The following VPS13A variants were observed in gnomAD, a reference collection of about 807,000 sequenced individuals.
VPS13A encodes vacuolar protein sorting 13 homolog A, also known as intermembrane lipid transfer protein VPS13A.
A neutral mutation model predicts 390.9 loss-of-function variants in VPS13A; 264 were observed. That is an observed-to-expected ratio of 0.68 (90% confidence interval 0.61 to 0.75). The LOEUF (loss-of-function observed/expected upper bound fraction) is 0.75. Among genes scored for constraint, VPS13A ranks in the 30% least tolerant of loss-of-function variants. VPS13A has a pLI of 0.00. For synonymous variants in VPS13A, 1,231 were observed against 1,227.1 expected, an observed-to-expected ratio of 1.00 and a Z score of -0.07; for missense variants, 3,409 against 3,733.9, an observed-to-expected ratio of 0.91 and a Z score of 2.27.
intron 69 of VPS13A, 30 bp from the exon 70 acceptor site, chr9:77,405,834 C>T (rs767703023): frequency 3.8e-5 from 61 of 1,610,682 alleles, no homozygotes; most frequent in Middle Eastern, 1.6e-4. Flanking sequence ...AATTTTAAAG[C>T]GAATTCTTTT....
chr9:77,321,214 G>A lies in VPS13A; in HGVS notation c.5461G>A (p.Glu1821Lys). ...GGCCATTGTTGAGTCAGATCCTGAA[G>A]AAGAAAACTACAAAGTGCCAGAATA... is the stretch of plus-strand genomic sequence containing the variant. Reference protein sequence around the residue: ...KMAIVESDPEEENYKVPEYKT... With the variant: ...KMAIVESDPEKENYKVPEYKT... Residue 1821 changes from glutamate to lysine, a missense_variant, in exon 43 of 72, where the codon GAA becomes AAA. By Grantham distance (56) the Glu-to-Lys change is moderately conservative. This residue lies in a region of VPS13A where 2,717 missense variants were observed against 2,917.4 expected (regional missense o/e 0.93). Transcript: ENST00000360280. The A allele has an allele frequency of 6.2e-7, 1 of 1,612,604 alleles. No individual in the cohort carries two copies. The highest frequency in any genetic ancestry group is 8.5e-7 in the Non-Finnish European group (1 of 1,179,156).
chr9:77,321,388 G>A (rs567343607), intron 43 of VPS13A, 61 bp downstream of exon 43: 2 of 1,580,412 alleles, frequency 1.3e-6, no homozygotes, highest in Non-Finnish European at 1.7e-6. Flanking sequence ...TCTGTCTGTT[G>A]AATAAGAAGT....
intron 68 of VPS13A, among the ~76,000 whole-genome samples, chr9:77,401,112 T>C: frequency 6.6e-6 from 1 of 152,196 alleles, no homozygotes; most frequent in East Asian, 1.9e-4. Context: ...TTTCCTTTGA[T>C]ATGTCTGCAT....
chr9:77,361,217 C>T (rs2131565190), intron 59 of VPS13A, among the ~76,000 whole-genome samples: 1 of 152,218 alleles, frequency 6.6e-6, no homozygotes, highest in Non-Finnish European at 1.5e-5. Context: ...ATCATCATCA[C>T]TCTCTAATTC....
chr9:77,236,927 C>A (rs1355902002), intron 17 of VPS13A, among the ~76,000 whole-genome samples: 2 of 152,256 alleles, frequency 1.3e-5, no homozygotes, highest in East Asian at 3.9e-4. Flanking sequence ...AGATGGAATG[C>A]CACTCTGTCG....
intron 1 of VPS13A, among the ~76,000 whole-genome samples, chr9:77,197,135 T>C (rs1825051797): frequency 6.6e-6 from 1 of 152,184 alleles, no homozygotes; most frequent in Admixed American, 6.5e-5. Context: ...TGACCATTTG[T>C]ATGTTTTCTT....
At position 77,323,148 on chromosome 9, in the gene VPS13A, C is replaced by G; in HGVS notation, c.5912C>G (p.Ser1971Cys). The change falls in exon 45 of 72, where the codon TCT becomes TGT. Residue 1971 changes from serine to cysteine, a missense_variant. Ser to Cys is a moderately radical substitution (Grantham distance 112). This residue lies in a region of VPS13A where 2,717 missense variants were observed against 2,917.4 expected (regional missense o/e 0.93). Transcript: ENST00000360280. ...CTGTACACTGTAAGACACAGAGAGT[C>G]TGGCGTTGAAAGATCTATTGTTTGT... ...RRLYTVRHRESGVERSIVCQI... is the reference protein window; with the variant it reads ...RRLYTVRHRECGVERSIVCQI... 2 of 1,613,560 alleles carry G rather than the reference C, an allele frequency of 1.2e-6. No individual in the cohort carries two copies. The highest frequency in any genetic ancestry group is 8.5e-7 in the Non-Finnish European group (1 of 1,179,652).
intron 33 of VPS13A, among the ~76,000 whole-genome samples, chr9:77,302,614 C>T (rs1280493106): frequency 6.6e-6 from 1 of 151,974 alleles, no homozygotes; most frequent in Admixed American, 6.6e-5. Context: ...CTCAAGTGAT[C>T]TGCCCGCCTC....
At position 77,337,541 on chromosome 9, in the gene VPS13A, T is replaced by G; in HGVS notation, c.6378+4T>G. ...CAAAATTGCTTATTATATAGAGGTA[T>G]CGGCAAACTGATTTAGTGCCTTCCT... On this transcript the variant is annotated splice_donor_region_variant and intron_variant, in intron 47 of 71. Coordinates refer to ENST00000360280, the MANE Select transcript of VPS13A (RefSeq NM_033305.3). 6.2e-7 allele frequency: 1 copy of G among 1,609,284 alleles called. No individual in the cohort carries two copies. Among genetic ancestry groups the G allele is most frequent in the Non-Finnish European group, 8.5e-7 (1 of 1,177,538 alleles).
chr9:77,289,819 C>T (rs577805494), intron 31 of VPS13A, among the ~76,000 whole-genome samples: 21 of 144,964 alleles, frequency 1.4e-4, no homozygotes, highest in East Asian at 8.0e-4. Context: ...CTTGCTCTGT[C>T]GCCCAGGCTG....
rs1312264385 is a variant in VPS13A, at chr9:77,295,596, C to A, written c.3562C>A (p.Gln1188Lys). The change falls in exon 33 of 72, where the codon CAG (glutamine) becomes AAG (lysine). Residue 1188 changes from glutamine (Q) to lysine (K), a missense_variant. By Grantham distance (53) the Gln-to-Lys change is moderately conservative. This residue lies in a region of VPS13A where 2,717 missense variants were observed against 2,917.4 expected (regional missense o/e 0.93). Transcript: ENST00000360280. ...AKQALAEATVQAAGMAATGVK... is the reference protein window; with the variant it reads ...AKQALAEATVKAAGMAATGVK... The stretch of plus-strand genomic sequence containing the variant: ...ACAAGCCTTGGCTGAGGCAACTGTT[C>A]AGGCAGCTGGAATGGCTGCTACTGG... The A allele has an allele frequency of 1.2e-6, 2 of 1,613,310 alleles. No homozygotes were observed. Among genetic ancestry groups the A allele is most frequent in the Non-Finnish European group, 1.7e-6 (2 of 1,179,542 alleles).
In VPS13A at chr9:77,283,369, A is replaced by G. The variant is rs765256718; in HGVS notation, c.3133A>G (p.Thr1045Ala). The change falls in exon 30 of 72, where the codon ACA becomes GCA. Residue 1045 changes from threonine to alanine, a missense_variant. Physicochemically the swap from Thr to Ala is moderately conservative, Grantham distance 58 (BLOSUM62 0). This residue lies in a region of VPS13A where 2,717 missense variants were observed against 2,917.4 expected (regional missense o/e 0.93). Coordinates refer to ENST00000360280, the MANE Select transcript of VPS13A (RefSeq NM_033305.3). ...TTTTTTTGCAGCTTTAAAACTATCCACAAATGAAGATATCATTACTTTGCA... is the reference window on the plus strand; with the variant it reads ...TTTTTTTGCAGCTTTAAAACTATCCGCAAATGAAGATATCATTACTTTGCA... ...VIKKLALKLSTNEDIITLQIL... is the reference protein window; with the variant it reads ...VIKKLALKLSANEDIITLQIL... 1.3e-5 allele frequency: 21 copies of G among 1,596,338 alleles called. No individual in the cohort carries two copies. The highest frequency in any genetic ancestry group is 1.8e-5 in the Non-Finnish European group (21 of 1,165,738).
At chr9:77,313,931 T>C in intron 35 of VPS13A, 61 bp from the exon 36 acceptor site, 2 of 1,500,312 alleles carry the variant, frequency 1.3e-6, no homozygotes, top group Non-Finnish European at 1.8e-6. Flanking sequence ...ATTTCAAGGG[T>C]ATTTTAATGA....
At chr9:77,400,070 A>G (rs1834304116) in intron 68 of VPS13A, among the ~76,000 whole-genome samples, 1 of 152,160 alleles carries the variant, frequency 6.6e-6, no homozygotes. Flanking sequence ...TTAATACAAT[A>G]TTGCTGTGAA....
intron 54 of VPS13A, among the ~76,000 whole-genome samples, chr9:77,355,157 A>G (rs1831699587): frequency 6.6e-6 from 1 of 152,196 alleles, no homozygotes; most frequent in African/African-American, 2.4e-5. Context: ...AACTTAACAT[A>G]TCCTGTGTTC....
chr9:77,256,525 T>C (rs1024404963), intron 22 of VPS13A, among the ~76,000 whole-genome samples: 5 of 152,168 alleles, frequency 3.3e-5, no homozygotes, highest in African/African-American at 1.2e-4. Context: ...ATTGGTCCAG[T>C]CCCCTGTTTC....
At chr9:77,218,997 T>C (rs187747123) in intron 10 of VPS13A, among the ~76,000 whole-genome samples, 30 of 152,062 alleles carry the variant, frequency 2.0e-4, no homozygotes, top group African/African-American at 6.0e-4. Flanking sequence ...AGTTAAGGAG[T>C]CTATGCAAAG....
rs753882052 is a variant in VPS13A at position 77,227,378 on chromosome 9, T to C, written c.1358-13T>C. The C allele has an allele frequency of 6.3e-7, 1 of 1,592,180 alleles. No individual in the cohort carries two copies. The highest frequency in any genetic ancestry group is 8.6e-7 in the Non-Finnish European group (1 of 1,160,918). ...TTATTTAAGAACATAAAGCACTTCT[T>C]TCTGATTTGTAGCTCTTGAAGAAAT... On this transcript the variant is annotated splice_polypyrimidine_tract_variant and intron_variant, in intron 15 of 71. Coordinates refer to ENST00000360280, the MANE Select transcript of VPS13A (RefSeq NM_033305.3).
At chr9:77,378,478 T>C (rs1352259967) in intron 67 of VPS13A, among the ~76,000 whole-genome samples, 3 of 152,098 alleles carry the variant, frequency 2.0e-5, no homozygotes, top group African/African-American at 7.2e-5. Context: ...TAATTATTTT[T>C]CCCTTATATA....
Sources: gnomAD v4.1 joint callset for allele counts (sites outside exome capture counted in the v4.1 genomes callset) on GRCh38, gnomAD v4.1.1 for gene constraint, gnomAD v4.1.1 regional missense constraint, MANE v1.5 for transcripts, NCBI Gene and HGNC (gene_info 2026-07-23, HGNC 2026-07-21) for gene names.